The following RYR2 variants were observed in gnomAD, a reference collection of about 807,000 sequenced individuals.
RYR2 encodes the protein cardiac muscle ryanodine receptor-calcium release channel.
RYR2 carries 227 observed loss-of-function variants against 601.1 expected under a neutral mutation model. That is an observed-to-expected ratio of 0.38 (90% confidence interval 0.34 to 0.42). RYR2 has a LOEUF of 0.42. Ranked by LOEUF, RYR2 falls within the 10% of genes least tolerant of loss-of-function variation. The pLI, the probability that RYR2 is intolerant of heterozygous loss-of-function variation, is 1.00. For synonymous variants in RYR2, 2,223 were observed against 2,175.1 expected (o/e 1.02, Z -0.61); for missense variants, 4,646 against 6,156.5 (o/e 0.75, Z 8.21).
At chr1:237,109,730 A>AAAT (rs1553300258) in intron 1 of RYR2, among the ~76,000 whole-genome samples, 1 of 94,750 alleles carries the variant, frequency 1.1e-5, no homozygotes, top group Non-Finnish European at 2.3e-5. Flanking sequence ...TCAAAAAAAA[A>AAAT]AATAATAATA....
intron 1 of RYR2, among the ~76,000 whole-genome samples, chr1:237,162,767 A>G (rs1676176736): frequency 6.6e-6 from 1 of 152,176 alleles, no homozygotes; most frequent in Non-Finnish European, 1.5e-5. Flanking sequence ...TAGCCTGTTA[A>G]GTAGAGAAAC....
intron 2 of RYR2, among the ~76,000 whole-genome samples, chr1:237,288,441 G>A (rs1691809658): frequency 6.6e-6 from 1 of 151,654 alleles, no homozygotes; most frequent in Non-Finnish European, 1.5e-5. Flanking sequence ...GTAGGGGAGG[G>A]CTAGGCACGT....
chr1:237,417,418 C>G (rs1705124592), intron 11 of RYR2, among the ~76,000 whole-genome samples: 1 of 152,202 alleles, frequency 6.6e-6, no homozygotes, highest in Admixed American at 6.5e-5. Context: ...GACCATGCAT[C>G]TCTTGGCAGA....
chr1:237,204,563 G>A lies in RYR2; in HGVS notation c.49-65934G>A, dbSNP rs147436129. Among the ~76,000 whole-genome samples, 860 of 152,156 alleles carry A rather than the reference G, an allele frequency of 5.7e-3. 9 individuals carry two copies. The highest frequency in any genetic ancestry group is 0.031 in the Middle Eastern group (9 of 292). On this transcript the variant is annotated intron_variant, in intron 1 of 104. Transcript: ENST00000366574. ...ATCCTGCAAATGCATTCAGGTGACG[G>A]GGTCCCACCCTAACAGCCATGTCAG...
chr1:237,260,156 G>A (rs1688377620), intron 1 of RYR2, among the ~76,000 whole-genome samples: 1 of 152,138 alleles, frequency 6.6e-6, no homozygotes, highest in South Asian at 2.1e-4. Context: ...TGATAACATT[G>A]GGAACTGGAA....
At chr1:237,616,561 G>A (rs997086960) in intron 37 of RYR2, among the ~76,000 whole-genome samples, 1 of 152,084 alleles carries the variant, frequency 6.6e-6, no homozygotes, top group East Asian at 1.9e-4. Context: ...CAGTAATCAT[G>A]TCATCACCCA....
chr1:237,196,467 G>T (rs997317221), intron 1 of RYR2, among the ~76,000 whole-genome samples: 2 of 151,968 alleles, frequency 1.3e-5, no homozygotes, highest in Non-Finnish European at 1.5e-5. Flanking sequence ...AATTTTCTAG[G>T]TTTTACTTTT....
chr1:237,359,340 C>T (rs1699576852), intron 4 of RYR2, among the ~76,000 whole-genome samples: 1 of 152,172 alleles, frequency 6.6e-6, no homozygotes, highest in Non-Finnish European at 1.5e-5. Context: ...ATGCAAATCA[C>T]TTTCACATTG....
intron 1 of RYR2, among the ~76,000 whole-genome samples, chr1:237,200,911 C>T (rs1681119050): frequency 6.6e-6 from 1 of 152,168 alleles, no homozygotes; most frequent in Non-Finnish European, 1.5e-5. Flanking sequence ...GCTTAGGAGT[C>T]TCATCCAGTA....
At chr1:237,298,965 G>C (rs989721440) in intron 2 of RYR2, among the ~76,000 whole-genome samples, 1 of 152,096 alleles carries the variant, frequency 6.6e-6, no homozygotes, top group African/African-American at 2.4e-5. Context: ...CTGTGCTCCA[G>C]CCTGGGCGAC....
chr1:237,104,767 C>G (rs779022873), intron 1 of RYR2, among the ~76,000 whole-genome samples: 49 of 152,322 alleles, frequency 3.2e-4, no homozygotes, highest in Admixed American at 1.7e-3. Context: ...CCCCATCTCC[C>G]TACGGATAGG....
intron 1 of RYR2, among the ~76,000 whole-genome samples, chr1:237,103,146 G>C (rs1329621056): frequency 6.6e-6 from 1 of 152,184 alleles, no homozygotes; most frequent in Non-Finnish European, 1.5e-5. Flanking sequence ...AGGCCAGTAG[G>C]AGCTCTGAGG....
intron 2 of RYR2, among the ~76,000 whole-genome samples, chr1:237,330,333 T>A (rs1323909372): frequency 6.6e-6 from 1 of 152,230 alleles, no homozygotes; most frequent in East Asian, 1.9e-4. Flanking sequence ...CTCCTTACAT[T>A]TTCAGAGCTG....
Position 237,144,290 on chromosome 1 carries a change from G to A in RYR2, c.48+101721G>A, listed in dbSNP as rs1432499117. On this transcript the variant is annotated intron_variant, in intron 1 of 104. Coordinates refer to ENST00000366574, the MANE Select transcript of RYR2 (RefSeq NM_001035.3). ...GACTACTCCTTAAGAAAGAGGACTC[G>A]ACAGCACTATTTGTTACACATAGTT... is the stretch of plus-strand genomic sequence containing the variant. Among the ~76,000 whole-genome samples the A allele has an allele frequency of 2.6e-5, 4 of 152,102 alleles. No individual in the cohort carries two copies. In the East Asian group the frequency reaches 7.7e-4, roughly 29 times the overall value.
intron 43 of RYR2, 90 bp from the exon 44 acceptor site, chr1:237,634,799 A>C (rs1183875265): frequency 2.2e-6 from 2 of 929,914 alleles, no homozygotes; most frequent in Non-Finnish European, 3.4e-6. Flanking sequence ...GGTGTTTAGA[A>C]ATTAAATTTT....
At chr1:237,058,560 A>T (rs1477446171) in intron 1 of RYR2, among the ~76,000 whole-genome samples, 1 of 152,250 alleles carries the variant, frequency 6.6e-6, no homozygotes, top group African/African-American at 2.4e-5. Flanking sequence ...ACTTAACAAC[A>T]GAGCATATAT....
rs1290703534 is a variant in RYR2, at chr1:237,392,072, C to A, written c.773+3889C>A. The stretch of plus-strand genomic sequence containing the variant: ...AAATATAACCTATAGTAGTTGTGAG[C>A]AGTCAGGTATAAGGGAGAGAGCTCA... On this transcript the variant is annotated intron_variant, in intron 10 of 104. Transcript: ENST00000366574. Among the ~76,000 whole-genome samples, 4 of 152,084 alleles carry A rather than the reference C, an allele frequency of 2.6e-5. No homozygotes were observed. The East Asian group carries it at 7.7e-4, about 29-fold the overall frequency.
chr1:237,148,523 A>ATATATATATATATATAT (rs1316106371), intron 1 of RYR2, among the ~76,000 whole-genome samples: 3 of 48,292 alleles, frequency 6.2e-5, no homozygotes, highest in Admixed American at 2.5e-4. Flanking sequence ...AGTAAAAAAA[A>ATATATATATATATATAT]AAAAATATAT....
Position 237,640,973 on chromosome 1 carries a change from C to T in RYR2, c.7192C>T (p.Leu2398Phe). 6.2e-7 allele frequency: 1 copy of T among 1,613,038 alleles called. No homozygotes were observed. Among genetic ancestry groups the T allele is most frequent in the South Asian group, 1.1e-5 (1 of 90,784 alleles). ...GACCTTCTATTCAGCTTTGATTGAC[C>T]TCTTGGGACGCTGTGCTCCTGAGAT... ...IMTFYSALID[L>F]LGRCAPEMHL... The change falls in exon 47 of 105, where the codon CTC becomes TTC. Residue 2398 changes from leucine to phenylalanine, a missense_variant. Physicochemically the swap from Leu to Phe is conservative, Grantham distance 22. Coordinates refer to ENST00000366574, the MANE Select transcript of RYR2 (RefSeq NM_001035.3).
Sources: allele counts gnomAD v4.1 joint callset (sites outside exome capture counted in the v4.1 genomes callset), GRCh38; gene constraint gnomAD v4.1.1; transcripts MANE v1.5; gene names NCBI Gene and HGNC (gene_info 2026-07-23, HGNC 2026-07-21).